ZNF469: variants seen among roughly 807,000 people sequenced by gnomAD.
The protein encoded by ZNF469 is zinc finger protein 469.
ZNF469 carries 1 observed loss-of-function variant against 1.0 expected under a neutral mutation model. That is an observed-to-expected ratio of 1.00 (90% CI 0.35 to 4.73). The LOEUF (loss-of-function observed/expected upper bound fraction) is 4.73, where lower values mean the gene tolerates loss of function less well. Ranked by LOEUF, ZNF469 falls within the 30% of genes most tolerant of loss-of-function variation. The probability of loss-of-function intolerance (pLI) is 0.16; values close to 1 mark genes in which losing one functional copy is unlikely to be tolerated. For missense variants in ZNF469, 6,100 were observed against 5,356.3 expected, an observed-to-expected ratio of 1.14 and a Z score of -4.33; for synonymous variants, 2,703 against 2,363.4, an observed-to-expected ratio of 1.14 and a Z score of -4.17.
At chr16:88,243,949 T>TATAA in the ZNF469 span, among the ~76,000 whole-genome samples, 3,591 of 94,122 alleles carry the variant, frequency 0.038, 449 homozygotes, top group Non-Finnish European at 0.061. Flanking sequence ...TATATATATA[T>TATAA]ATAAATGTAT....
chr16:88,194,056 G>A, the ZNF469 span, among the ~76,000 whole-genome samples: 2 of 152,216 alleles, frequency 1.3e-5, no homozygotes, highest in Non-Finnish European at 2.9e-5. Context: ...GGCACCTGCA[G>A]AGTGTGGCTT....
At chr16:88,402,365 G>T (rs914938722) in intron 1 of ZNF469, among the ~76,000 whole-genome samples, 1 of 152,168 alleles carries the variant, frequency 6.6e-6, no homozygotes, top group Non-Finnish European at 1.5e-5. Context: ...CTGGGCCCCA[G>T]TTATGCTAAG....
the ZNF469 span, among the ~76,000 whole-genome samples, chr16:88,151,478 G>A: frequency 5.1e-4 from 77 of 152,278 alleles, no homozygotes; most frequent in South Asian, 4.8e-3. This position sits in a 1 kb window ranked among gnomAD's most constrained non-coding sequence, Gnocchi z 5.4. Context: ...TTCGCTTTGC[G>A]GTGCTCACCT....
the ZNF469 span, among the ~76,000 whole-genome samples, chr16:88,136,360 A>G: frequency 6.6e-6 from 1 of 152,230 alleles, no homozygotes. Flanking sequence ...TGCTGGGATA[A>G]AGCAGAGACA....
At chr16:88,241,960 G>A in the ZNF469 span, among the ~76,000 whole-genome samples, 1,681 of 152,306 alleles carry the variant, frequency 0.011, 26 homozygotes, top group African/African-American at 0.038. The surrounding 1 kb of genome is among the most constrained non-coding windows in gnomAD (Gnocchi z 4.8). Flanking sequence ...GCTGTTTCCC[G>A]CTGCTGTGCA....
chr16:88,372,120 C>T, the ZNF469 span, among the ~76,000 whole-genome samples: 1,010 of 45,316 alleles, frequency 0.022, 28 homozygotes, highest in Middle Eastern at 0.042. Flanking sequence ...TCACCACCAT[C>T]ATCACCATCA....
At chr16:88,178,159 T>A in the ZNF469 span, 1 of 152,210 alleles carries the variant, frequency 6.6e-6, no homozygotes, top group Non-Finnish European at 1.5e-5. Flanking sequence ...GGCCATGGCC[T>A]GCCTGCTGTC....
At chr16:88,173,780 G>C in the ZNF469 span, among the ~76,000 whole-genome samples, 1 of 152,090 alleles carries the variant, frequency 6.6e-6, no homozygotes, top group African/African-American at 2.4e-5. Flanking sequence ...AAAGTAGACT[G>C]TGATAAGTCA....
chr16:88,434,787 C>G lies in ZNF469; in HGVS notation c.7317C>G (p.Leu2439=). Residue 2439 remains leucine, a synonymous_variant, in exon 3 of 3, where the codon CTC becomes CTG. Coordinates refer to ENST00000565624, the MANE Select transcript of ZNF469 (RefSeq NM_001367624.2). Reference sequence around the variant, plus strand: ...ACCAGACTCCCCAGGGGGACCCCCTCGGCCCCCAAGACCTCAAACAGAGGT... The same window carrying G: ...ACCAGACTCCCCAGGGGGACCCCCTGGGCCCCCAAGACCTCAAACAGAGGT... ...ASHQTPQGDP[L]GPQDLKQRSR... 1 of 1,550,374 alleles carries G rather than the reference C, an allele frequency of 6.5e-7. No individual in the cohort carries two copies. The highest frequency in any genetic ancestry group is 8.7e-7 in the Non-Finnish European group (1 of 1,146,966).
intron 1 of ZNF469, among the ~76,000 whole-genome samples, chr16:88,412,709 G>C (rs1905204967): frequency 6.6e-6 from 1 of 152,174 alleles, no homozygotes; most frequent in Non-Finnish European, 1.5e-5. Context: ...TGGGTGAACG[G>C]GGGACCTCGT....
Position 88,434,073 on chromosome 16 carries a change from A to T in ZNF469, c.6603A>T (p.Thr2201=). 6.5e-7 allele frequency: 1 copy of T among 1,550,276 alleles called. No homozygotes were observed. The highest frequency in any genetic ancestry group is 8.7e-7 in the Non-Finnish European group (1 of 1,146,922). ...CGGTGGCTCCCCCGTCTTTGACAACAAGCCCCTGCGATCCCAAGGAAGCCC... is the reference window on the plus strand; with the variant it reads ...CGGTGGCTCCCCCGTCTTTGACAACTAGCCCCTGCGATCCCAAGGAAGCCC... ...DSPVAPPSLT[T]SPCDPKEALA... The change falls in exon 3 of 3, where the codon ACA becomes ACT. Residue 2201 remains threonine, a synonymous_variant. Coordinates refer to ENST00000565624, the MANE Select transcript of ZNF469 (RefSeq NM_001367624.2).
chr16:88,337,407 C>T, the ZNF469 span, among the ~76,000 whole-genome samples: 1 of 152,228 alleles, frequency 6.6e-6, no homozygotes, highest in South Asian at 2.1e-4. Context: ...GCCTCCTCAG[C>T]CCTGTGGAAC....
chr16:88,425,647 G>T (rs1905668488), intron 2 of ZNF469, among the ~76,000 whole-genome samples: 1 of 152,210 alleles, frequency 6.6e-6, no homozygotes, highest in African/African-American at 2.4e-5. Context: ...CACAAGGGAG[G>T]CAGTTCAGGA....
At chr16:88,213,838 C>G in the ZNF469 span, among the ~76,000 whole-genome samples, 4 of 152,212 alleles carry the variant, frequency 2.6e-5, no homozygotes, top group African/African-American at 9.6e-5. Flanking sequence ...CACCCCTTCC[C>G]TTTGCTCCCA....
chr16:88,120,575 C>T, the ZNF469 span, among the ~76,000 whole-genome samples: 4 of 152,326 alleles, frequency 2.6e-5, no homozygotes, highest in Admixed American at 2.6e-4. Context: ...TCCACGGCCG[C>T]AGCAGGGAGG....
chr16:88,298,414 A>T, the ZNF469 span, among the ~76,000 whole-genome samples: 1 of 152,154 alleles, frequency 6.6e-6, no homozygotes, highest in African/African-American at 2.4e-5. Context: ...CTGCTTGTTC[A>T]CTGAGTTCCA....
chr16:88,213,536 C>T, the ZNF469 span, among the ~76,000 whole-genome samples: 2 of 152,192 alleles, frequency 1.3e-5, no homozygotes, highest in African/African-American at 4.8e-5. Context: ...AAAAAGTCTT[C>T]GGGGTGAGCA....
At chr16:88,347,081 G>A in the ZNF469 span, among the ~76,000 whole-genome samples, 3 of 152,134 alleles carry the variant, frequency 2.0e-5, no homozygotes, top group Admixed American at 6.5e-5. Context: ...CAGGCCGTAC[G>A]GCTGAGCTTG....
the ZNF469 span, among the ~76,000 whole-genome samples, chr16:88,334,054 G>A: frequency 0.078 from 11,869 of 151,266 alleles, 527 homozygotes; most frequent in East Asian, 0.15. Context: ...CTGTGTGTCT[G>A]TGTCTGTGTG....
Sources: gnomAD v4.1 joint callset for allele counts (sites outside exome capture counted in the v4.1 genomes callset) on GRCh38, gnomAD v4.1.1 for gene constraint, Gnocchi (gnomAD v3.1) non-coding constraint, MANE v1.5 for transcripts, NCBI Gene and HGNC (gene_info 2026-07-23, HGNC 2026-07-21) for gene names.